The following BCKDHB variants were observed in gnomAD, a reference collection of about 807,000 sequenced individuals.
BCKDHB encodes the protein 2-oxoisovalerate dehydrogenase subunit beta, mitochondrial.
In BCKDHB, 41 loss-of-function variants were observed where a neutral mutation model predicts 48.5. The observed-to-expected ratio is 0.85, with a 90% CI of 0.66 to 1.10. BCKDHB has a LOEUF of 1.10. BCKDHB is among the 50% of genes least tolerant of loss of function. The pLI, the probability that BCKDHB is intolerant of heterozygous loss-of-function variation, is 0.00. For missense variants in BCKDHB, 496 were observed against 494.2 expected, an observed-to-expected ratio of 1.00 and a Z score of -0.03; for synonymous variants, 201 against 174.8, an observed-to-expected ratio of 1.15 and a Z score of -1.18.
At chr6:80,177,171 T>G (rs1773196268) in intron 6 of BCKDHB, among the ~76,000 whole-genome samples, 1 of 130,668 alleles carries the variant, frequency 7.7e-6, no homozygotes, top group Non-Finnish European at 1.5e-5. Flanking sequence ...GAGGCTGCAG[T>G]GAGCCATGGT....
the BCKDHB span, among the ~76,000 whole-genome samples, chr6:80,352,878 TAGA>T: frequency 1.3e-5 from 2 of 152,222 alleles, no homozygotes; most frequent in African/African-American, 4.8e-5. Flanking sequence ...AGCTGTCCTT[TAGA>T]AACCATACTC....
intron 3 of BCKDHB, among the ~76,000 whole-genome samples, chr6:80,129,631 G>A (rs931127953): frequency 1.3e-5 from 2 of 152,094 alleles, no homozygotes; most frequent in African/African-American, 4.8e-5. Flanking sequence ...GAGAGAGAGA[G>A]GGAGAGGGAT....
At chr6:80,278,958 A>G (rs1487404767) in intron 9 of BCKDHB, among the ~76,000 whole-genome samples, 1 of 152,214 alleles carries the variant, frequency 6.6e-6, no homozygotes, top group Non-Finnish European at 1.5e-5. Flanking sequence ...TTTGGTAGAG[A>G]TAAAACATTT....
chr6:80,258,234 G>A (rs1046954325), intron 8 of BCKDHB, among the ~76,000 whole-genome samples: 6 of 152,110 alleles, frequency 3.9e-5, no homozygotes, highest in African/African-American at 1.2e-4. Flanking sequence ...AAGTTCAGAA[G>A]CATTCAAAGA....
chr6:80,352,915 A>C, the BCKDHB span, among the ~76,000 whole-genome samples: 1 of 152,150 alleles, frequency 6.6e-6, no homozygotes, highest in Admixed American at 6.5e-5. Context: ...TTTGTTTTTA[A>C]TTTTTATAAA....
rs930556902 is a variant in BCKDHB at position 80,185,314 on chromosome 6, C to T, written c.742+13924C>T. ...TTTATTTCTCTGTATACCTTTTCAT[C>T]CATATCCTGCACTGTTTTTTTTTAA... is the stretch of plus-strand genomic sequence containing the variant. On this transcript the variant is annotated intron_variant, in intron 6 of 9. Coordinates refer to ENST00000320393, the MANE Select transcript of BCKDHB (RefSeq NM_183050.4). Among the ~76,000 whole-genome samples, 3 of 151,968 alleles carry T rather than the reference C, an allele frequency of 2.0e-5. No individual in the cohort carries two copies. The East Asian group carries it at 5.8e-4, about 29-fold the overall frequency.
At chr6:80,286,705 C>G (rs1048287079) in intron 9 of BCKDHB, among the ~76,000 whole-genome samples, 1 of 152,060 alleles carries the variant, frequency 6.6e-6, no homozygotes, top group Non-Finnish European at 1.5e-5. Context: ...TTTTGCCTTT[C>G]AACTATGAAA....
chr6:80,224,241 G>A (rs1304451754), intron 8 of BCKDHB, among the ~76,000 whole-genome samples: 1 of 151,956 alleles, frequency 6.6e-6, no homozygotes, highest in East Asian at 1.9e-4. Context: ...TGGCCCAGAA[G>A]GCTCCCATGA....
At chr6:80,418,562 C>T in the BCKDHB span, among the ~76,000 whole-genome samples, 1 of 152,236 alleles carries the variant, frequency 6.6e-6, no homozygotes, top group Non-Finnish European at 1.5e-5. Context: ...GGAGCCAACA[C>T]TCAGCTTCCA....
At chr6:80,129,613 AAG>A (rs372069217) in intron 3 of BCKDHB, among the ~76,000 whole-genome samples, 92 of 148,410 alleles carry the variant, frequency 6.2e-4, no homozygotes, top group Non-Finnish European at 6.0e-4. Context: ...TCTTTTCGGG[AAG>A]AGAGAGAGAG....
At chr6:80,461,275 C>T in the BCKDHB span, among the ~76,000 whole-genome samples, 1 of 152,120 alleles carries the variant, frequency 6.6e-6, no homozygotes, top group African/African-American at 2.4e-5. Flanking sequence ...CTAGTTGCCT[C>T]ATTCAAAAAC....
intron 9 of BCKDHB, among the ~76,000 whole-genome samples, chr6:80,327,859 T>C (rs1352325160): frequency 6.6e-6 from 1 of 152,036 alleles, no homozygotes; most frequent in East Asian, 1.9e-4. Context: ...TGTTTCTTAA[T>C]GTCTTCCTTT....
At chr6:80,232,585 T>C (rs1775973436) in intron 8 of BCKDHB, among the ~76,000 whole-genome samples, 1 of 150,566 alleles carries the variant, frequency 6.6e-6, no homozygotes, top group Admixed American at 6.6e-5. Flanking sequence ...TGTATGTGTA[T>C]ATATATACTG....
In BCKDHB at chr6:80,316,507, T is replaced by C. The variant is rs923543591; in HGVS notation, c.1039-27157T>C. ...CCACTAAGTTCATATCATATGACTA[T>C]TTGGTGGGTAACAATATTAGCAAAT... On this transcript the variant is annotated intron_variant, in intron 9 of 9. Transcript: ENST00000320393. Among the ~76,000 whole-genome samples, 27 of 152,228 alleles carry C rather than the reference T, an allele frequency of 1.8e-4. 1 individual carries two copies. Among genetic ancestry groups the C allele is most frequent in the Admixed American group, 1.6e-3 (25 of 15,290 alleles).
At chr6:80,389,771 G>T in the BCKDHB span, among the ~76,000 whole-genome samples, 4 of 152,166 alleles carry the variant, frequency 2.6e-5, no homozygotes, top group African/African-American at 9.7e-5. Flanking sequence ...ACGATGCAGG[G>T]CTGGAGCAGA....
At chr6:80,361,814 T>C in the BCKDHB span, among the ~76,000 whole-genome samples, 3 of 152,102 alleles carry the variant, frequency 2.0e-5, no homozygotes, top group African/African-American at 7.2e-5. Flanking sequence ...GATCTCTAAG[T>C]GCTGTTTTGC....
intron 9 of BCKDHB, among the ~76,000 whole-genome samples, chr6:80,321,253 A>G (rs2128001804): frequency 6.6e-6 from 1 of 152,346 alleles, no homozygotes; most frequent in South Asian, 2.1e-4. Context: ...TAGGAGCAGT[A>G]CACATTTTCC....
Position 80,345,254 on chromosome 6 carries a change from G to T in BCKDHB, c.*1450G>T, listed in dbSNP as rs1267569171. On this transcript the variant is annotated 3_prime_UTR_variant, in exon 10 of 10. Transcript: ENST00000320393. ...GTTTCAAAATGAGTAGATATGATTA[G>T]ATCCTTTACCTTTTAATATCTAGTT... 1 of 152,134 alleles carries T rather than the reference G, an allele frequency of 6.6e-6. No homozygotes were observed. The highest frequency in any genetic ancestry group is 2.4e-5 in the African/African-American group (1 of 41,416). 9.4% of individuals were successfully genotyped at this position (152,134 alleles called of 1,614,324 possible).
intron 9 of BCKDHB, among the ~76,000 whole-genome samples, chr6:80,275,186 A>G (rs1270829685): frequency 2.0e-5 from 3 of 152,126 alleles, no homozygotes; most frequent in South Asian, 2.1e-4. Flanking sequence ...ATCTAAACCA[A>G]CTGCATTCTT....
Sources: allele counts gnomAD v4.1 joint callset (sites outside exome capture counted in the v4.1 genomes callset), GRCh38; gene constraint gnomAD v4.1.1; transcripts MANE v1.5; gene names NCBI Gene and HGNC (gene_info 2026-07-23, HGNC 2026-07-21).